The following ARHGEF10 variants were observed in gnomAD, a reference collection of about 807,000 sequenced individuals.
ARHGEF10 encodes the protein Rho guanine nucleotide exchange factor (GEF) 10.
Under a neutral mutation model 147.4 loss-of-function variants are expected in ARHGEF10, and 140 were observed. The ratio of observed to expected loss-of-function variants is 0.95; its 90% CI spans 0.83 to 1.09. ARHGEF10 has a LOEUF of 1.09. Ranked by LOEUF, ARHGEF10 falls within the 50% of genes least tolerant of loss-of-function variation. ARHGEF10 has a pLI of 0.00. For synonymous variants in ARHGEF10, 902 were observed against 695.8 expected (o/e 1.30, Z -4.67); for missense variants, 2,222 against 1,752.7 (o/e 1.27, Z -4.78).
rs1011541545 is a variant in ARHGEF10 at position 1,880,252 on chromosome 8, A to G, written c.960+88A>G. The G allele has an allele frequency of 4.0e-5, 37 of 919,986 alleles. No homozygotes were observed. The African/African-American group carries it at 5.7e-4, about 14-fold the overall frequency. 57.0% of individuals were successfully genotyped at this position (919,986 alleles called of 1,614,324 possible). The stretch of plus-strand genomic sequence containing the variant: ...GGCTCGGTCGGTCCTTGCTGTCTCA[A>G]CAGCGGTTCTCAAAGGGTGGTCCGG... On this transcript the variant is annotated intron_variant, in intron 9 of 28. Transcript: ENST00000349830.
intron 5 of ARHGEF10, 76 bp from the exon 6 acceptor site, chr8:1,866,450 C>T: frequency 2.6e-6 from 3 of 1,149,702 alleles, no homozygotes; most frequent in Non-Finnish European, 1.3e-6. Flanking sequence ...CACACACACA[C>T]TCTGCAGGGC....
In ARHGEF10 at chr8:1,929,412, C is replaced by T. The variant is rs757736472; in HGVS notation, c.3048C>T (p.Asn1016=). Reference sequence around the variant, plus strand: ...AGAGCCTGTACGCTGGCCTGGTCAACGGGGCAGTCGCCAGCTACGCCAGAG... The same window carrying T: ...AGAGCCTGTACGCTGGCCTGGTCAATGGGGCAGTCGCCAGCTACGCCAGAG... ...TSQSLYAGLV[N]GAVASYARAP... The change falls in exon 25 of 29, where the codon AAC becomes AAT. Residue 1016 remains asparagine, a synonymous_variant. Coordinates refer to ENST00000349830, the MANE Select transcript of ARHGEF10 (RefSeq NM_014629.4). 1.4e-5 allele frequency: 23 copies of T among 1,610,838 alleles called. 1 individual carries two copies. The highest frequency in any genetic ancestry group is 2.0e-4 in the Middle Eastern group (1 of 4,944).
chr8:1,931,433 T>C (rs1221701638), intron 25 of ARHGEF10, among the ~76,000 whole-genome samples: 1 of 152,246 alleles, frequency 6.6e-6, no homozygotes, highest in Admixed American at 6.5e-5. Context: ...TCCTGTCCAC[T>C]GTGGAGCCCC....
intron 27 of ARHGEF10, chr8:1,945,863 A>G (rs1814538327): frequency 2.1e-6 from 1 of 484,736 alleles, no homozygotes; most frequent in South Asian, 2.4e-5. Context: ...GGTGCAGGGC[A>G]CAGGTCCTGA....
intron 3 of ARHGEF10, 80 bp downstream of exon 3, chr8:1,858,195 ACCAGGTGAGTTCCCAGGTGAGTCC>A (rs1805752367): frequency 1.6e-5 from 16 of 1,031,406 alleles, no homozygotes; most frequent in East Asian, 5.9e-5. Context: ...CATGTGAGTC[ACCAGGTGAGTTCCCAGGTGAGTCC>A]CCAGGTGAGT....
At chr8:1,905,494 A>C in intron 16 of ARHGEF10, 77 bp from the exon 17 acceptor site, 2 of 1,587,716 alleles carry the variant, frequency 1.3e-6, no homozygotes, top group South Asian at 1.1e-5. Context: ...CTGAGACTCC[A>C]TACCAGACTT....
intron 5 of ARHGEF10, among the ~76,000 whole-genome samples, 173 bp from the exon 6 acceptor site, chr8:1,866,353 G>C (rs184904020): frequency 6.6e-6 from 1 of 152,090 alleles, no homozygotes; most frequent in Non-Finnish European, 1.5e-5. Flanking sequence ...GCTTGAACTT[G>C]GGATGTCCTA....
intron 18 of ARHGEF10, among the ~76,000 whole-genome samples, chr8:1,915,164 A>G (rs995357361): frequency 2.0e-5 from 3 of 152,194 alleles, no homozygotes; most frequent in Admixed American, 2.0e-4. Context: ...GCCTTCAAAC[A>G]TACATAGGGA....
At chr8:1,849,291 C>CACAG (rs1473436870) in intron 2 of ARHGEF10, among the ~76,000 whole-genome samples, 13 of 149,392 alleles carry the variant, frequency 8.7e-5, no homozygotes, top group African/African-American at 3.2e-4. Flanking sequence ...GCCGTGTGGA[C>CACAG]ACAGCAAATG....
intron 24 of ARHGEF10, 71 bp downstream of exon 24, chr8:1,928,721 C>G: frequency 2.6e-6 from 4 of 1,544,704 alleles, no homozygotes; most frequent in Non-Finnish European, 3.5e-6. Flanking sequence ...GGGAGCCTGT[C>G]CTGGAAAGAG....
rs1311023293 is a variant in ARHGEF10, at chr8:1,867,120, T to C, written c.622+518T>C. ...AATGGGGATTCCCGAATAAATGTTT[T>C]GTTAATTTACCTTTGGCAGAAACAA... On this transcript the variant is annotated intron_variant, in intron 6 of 28. Coordinates refer to ENST00000349830, the MANE Select transcript of ARHGEF10 (RefSeq NM_014629.4). Among the ~76,000 whole-genome samples the C allele has an allele frequency of 2.0e-5, 3 of 152,214 alleles. No homozygotes were observed. In the East Asian group the frequency reaches 5.8e-4, roughly 29 times the overall value.
At chr8:1,860,394 C>G (rs1258183745) in intron 4 of ARHGEF10, among the ~76,000 whole-genome samples, 23 of 140,012 alleles carry the variant, frequency 1.6e-4, no homozygotes, top group African/African-American at 6.6e-4. Flanking sequence ...ACCTTCCCCC[C>G]TCCTCCTCCT....
Position 1,956,063 on chromosome 8 carries a change from C to T in ARHGEF10, c.3521-686C>T, listed in dbSNP as rs986179011. Among the ~76,000 whole-genome samples, 10 of 152,320 alleles carry T rather than the reference C, an allele frequency of 6.6e-5. No individual in the cohort carries two copies. The East Asian group carries it at 1.3e-3, about 21-fold the overall frequency. On this transcript the variant is annotated intron_variant, in intron 28 of 28. Transcript: ENST00000349830. ...TCTGAAAGCACTTGGGGAAAGGACACGTGCCCCTGTCCATATGTCATGTCA... is the reference window on the plus strand; with the variant it reads ...TCTGAAAGCACTTGGGGAAAGGACATGTGCCCCTGTCCATATGTCATGTCA...
Position 1,832,758 on chromosome 8 carries a change from ACAGAGG to A in ARHGEF10, c.-48+8651_-48+8656del, listed in dbSNP as rs1210337409. Among the ~76,000 whole-genome samples, 22 of 84,068 alleles carry A rather than the reference ACAGAGG, an allele frequency of 2.6e-4. 3 individuals carry two copies. The highest frequency in any genetic ancestry group is 1.1e-3 in the African/African-American group (21 of 19,068). 55.2% of individuals were successfully genotyped at this position (84,068 alleles called of 152,430 possible). A position where few individuals can be genotyped will look rare whatever the true frequency, so the allele number is the denominator to read the frequency against. On this transcript the variant is annotated intron_variant, in intron 1 of 28. Coordinates refer to ENST00000349830, the MANE Select transcript of ARHGEF10 (RefSeq NM_014629.4). ...GGCAGAGGCAGAGGCAGAGACAGAG[ACAGAGG>A]CAGAGACAGAGGCAGAGACAGAGAG...
At chr8:1,899,751 A>G (rs2129168454) in intron 15 of ARHGEF10, among the ~76,000 whole-genome samples, 1 of 152,248 alleles carries the variant, frequency 6.6e-6, no homozygotes, top group South Asian at 2.1e-4. Context: ...TCTTTAGCTG[A>G]CAAATATGTA....
chr8:1,906,142 C>A (rs1467320276), intron 17 of ARHGEF10, among the ~76,000 whole-genome samples: 1 of 152,026 alleles, frequency 6.6e-6, no homozygotes, highest in Non-Finnish European at 1.5e-5. Flanking sequence ...GAGTTATTTT[C>A]ACTTAAAATA....
intron 25 of ARHGEF10, among the ~76,000 whole-genome samples, chr8:1,931,805 G>GC (rs11392159): frequency 0.91 from 138,832 of 151,948 alleles, 63,552 homozygotes; most frequent in East Asian, 1. Context: ...TGCGATTTGG[G>GC]ATCCTGCTGA....
rs117586551 is a variant in ARHGEF10 at position 1,838,967 on chromosome 8, G to T, written c.-47-4386G>T. Among the ~76,000 whole-genome samples, 291 of 151,252 alleles carry T rather than the reference G, an allele frequency of 1.9e-3. 7 individuals are homozygous for T. In the East Asian group the frequency reaches 0.052, roughly 27 times the overall value. On this transcript the variant is annotated intron_variant, in intron 1 of 28. Transcript: ENST00000349830. ...GGCCATCTGGCATGGAAGCTGTCTG[G>T]CGTGGGGACTCTCTGGCGTGGGGGC...
chr8:1,929,453 G>T lies in ARHGEF10; in HGVS notation c.3079+10G>T. 1 of 1,601,390 alleles carries T rather than the reference G, an allele frequency of 6.2e-7. No homozygotes were observed. Among genetic ancestry groups the T allele is most frequent in the Non-Finnish European group, 8.5e-7 (1 of 1,173,702 alleles). On this transcript the variant is annotated intron_variant, in intron 25 of 28. Coordinates refer to ENST00000349830, the MANE Select transcript of ARHGEF10 (RefSeq NM_014629.4). The stretch of plus-strand genomic sequence containing the variant: ...TACGCCAGAGCCCCAGGTGAGGCGG[G>T]TCTCACGGCCTCCTGGCCGGTCCTT...
Sources: gnomAD v4.1 joint callset for allele counts (sites outside exome capture counted in the v4.1 genomes callset) on GRCh38, gnomAD v4.1.1 for gene constraint, MANE v1.5 for transcripts, NCBI Gene and HGNC (gene_info 2026-07-23, HGNC 2026-07-21) for gene names.